The following LARS2 variants were observed in gnomAD, a reference collection of about 807,000 sequenced individuals.
LARS2 encodes leucine--tRNA ligase, mitochondrial.
LARS2 carries 81 observed loss-of-function variants against 116.6 expected under a neutral mutation model. That is an observed-to-expected ratio of 0.69 (90% CI 0.58 to 0.84). LARS2 has a LOEUF of 0.84. LARS2 is among the 40% of genes least tolerant of loss of function. The pLI is 0.00. For missense variants in LARS2, 968 were observed against 1,114.5 expected (o/e 0.87, Z 1.87); for synonymous variants, 396 against 407.2 (o/e 0.97, Z 0.33).
At chr3:45,430,318 G>A (rs1282996664) in intron 6 of LARS2, among the ~76,000 whole-genome samples, 3 of 141,232 alleles carry the variant, frequency 2.1e-5, no homozygotes, top group South Asian at 2.3e-4. Flanking sequence ...TGGCTCTGTC[G>A]CCCAGGCTGG....
intron 6 of LARS2, among the ~76,000 whole-genome samples, chr3:45,430,073 G>A (rs1336638044): frequency 2.9e-5 from 4 of 137,992 alleles, no homozygotes; most frequent in South Asian, 2.4e-4. Flanking sequence ...GTGTAGTGGC[G>A]CGATCTCGGC....
chr3:45,414,753 A>T (rs1210588397), intron 4 of LARS2, among the ~76,000 whole-genome samples: 2 of 152,056 alleles, frequency 1.3e-5, no homozygotes, highest in Non-Finnish European at 2.9e-5. Flanking sequence ...AGGCAGCAAA[A>T]TAAAACTTAC....
rs1029348394 is a variant in LARS2 at position 45,509,754 on chromosome 3, A to T, written c.1761-3381A>T. ...CTGGCTCCCTGGAAAAGTGGAGGGA[A>T]AACACTTGGGAATGAGCAGGATTCT... On this transcript the variant is annotated intron_variant, in intron 15 of 21. Coordinates refer to ENST00000645846, the MANE Select transcript of LARS2 (RefSeq NM_015340.4). Among the ~76,000 whole-genome samples, 5 of 152,040 alleles carry T rather than the reference A, an allele frequency of 3.3e-5. 1 individual carries two copies. Among genetic ancestry groups the T allele is most frequent in the African/African-American group, 4.8e-5 (2 of 41,458 alleles).
chr3:45,547,791 T>C lies in LARS2; in HGVS notation c.*261T>C, dbSNP rs1411065412. 5.3e-6 allele frequency: 2 copies of C among 379,144 alleles called. No individual in the cohort carries two copies. Among genetic ancestry groups the C allele is most frequent in the Non-Finnish European group, 9.5e-6 (2 of 211,098 alleles). 23.5% of individuals were successfully genotyped at this position (379,144 alleles called of 1,614,324 possible). A position where few individuals can be genotyped will look rare whatever the true frequency, so the allele number is the denominator to read the frequency against. ...CCTGCCCCTCACCCCCCACCCACAC[T>C]GCAGGTAGAGGAGGCCATCTGATCC... On this transcript the variant is annotated 3_prime_UTR_variant, in exon 22 of 22. Transcript: ENST00000645846.
At chr3:45,470,907 GT>G (rs1203350483) in intron 8 of LARS2, among the ~76,000 whole-genome samples, 2 of 151,828 alleles carry the variant, frequency 1.3e-5, no homozygotes, top group Non-Finnish European at 2.9e-5. Flanking sequence ...ATTTTCCCAG[GT>G]TTTTGGATTC....
intron 21 of LARS2, among the ~76,000 whole-genome samples, chr3:45,542,753 G>C (rs552359265): frequency 1.3e-5 from 2 of 152,312 alleles, no homozygotes; most frequent in East Asian, 3.9e-4. Context: ...ACCTTGCCCA[G>C]GTTTATTCAC....
chr3:45,533,134 A>G (rs1575318098), intron 20 of LARS2, among the ~76,000 whole-genome samples: 2 of 139,798 alleles, frequency 1.4e-5, no homozygotes, highest in Admixed American at 1.5e-4. Context: ...TGGTGGTCAC[A>G]TTAAGTCTTT....
At chr3:45,468,294 G>A (rs970456389) in intron 8 of LARS2, among the ~76,000 whole-genome samples, 1 of 152,114 alleles carries the variant, frequency 6.6e-6, no homozygotes, top group African/African-American at 2.4e-5. Flanking sequence ...CCCCTGGGAT[G>A]GCTGTTACCA....
intron 8 of LARS2, among the ~76,000 whole-genome samples, chr3:45,466,772 A>C (rs1339947815): frequency 6.6e-6 from 1 of 152,140 alleles, no homozygotes; most frequent in Non-Finnish European, 1.5e-5. Flanking sequence ...GCTGGAGTGC[A>C]GTGGTACAAT....
Position 45,390,488 on chromosome 3 carries a change from A to G in LARS2, c.-87-1095A>G, listed in dbSNP as rs540667863. On this transcript the variant is annotated intron_variant, in intron 1 of 21. Transcript: ENST00000645846. ...CCACCACGCCTGGCTAATTTTTTGT[A>G]TATTTAGTAGAGACAGGGTTTCACC... Among the ~76,000 whole-genome samples the G allele has an allele frequency of 8.7e-5, 13 of 149,346 alleles. No individual in the cohort carries two copies. In the South Asian group the frequency reaches 1.5e-3, roughly 17 times the overall value.
chr3:45,405,515 T>C (rs1052382177), intron 4 of LARS2, among the ~76,000 whole-genome samples: 25 of 152,218 alleles, frequency 1.6e-4, no homozygotes, highest in African/African-American at 5.3e-4. Flanking sequence ...TCTCAAACTT[T>C]AGAACTCACA....
chr3:45,523,918 T>A, intron 19 of LARS2, 79 bp from the exon 20 acceptor site: 4 of 1,050,446 alleles, frequency 3.8e-6, no homozygotes, highest in Non-Finnish European at 5.9e-6. Flanking sequence ...GTCTCTGGAC[T>A]TCAGATACAT....
At chr3:45,523,922 G>C in intron 19 of LARS2, 75 bp from the exon 20 acceptor site, 1 of 1,085,892 alleles carries the variant, frequency 9.2e-7, no homozygotes, top group Non-Finnish European at 1.4e-6. Context: ...CTGGACTTCA[G>C]ATACATTAAT....
chr3:45,392,282 TAGAG>T (rs1415617526), intron 2 of LARS2, among the ~76,000 whole-genome samples: 86 of 152,024 alleles, frequency 5.7e-4, no homozygotes, highest in African/African-American at 2.0e-3. Context: ...GCCCAACTAA[TAGAG>T]AGATTTCTTT....
chr3:45,391,377 C>T (rs960086900), intron 1 of LARS2, among the ~76,000 whole-genome samples: 3 of 151,320 alleles, frequency 2.0e-5, no homozygotes, highest in African/African-American at 7.3e-5. Flanking sequence ...CCCAGCTACT[C>T]GAGAGGCTGA....
intron 4 of LARS2, among the ~76,000 whole-genome samples, chr3:45,413,108 G>A (rs777704069): frequency 6.6e-6 from 1 of 152,232 alleles, no homozygotes; most frequent in Non-Finnish European, 1.5e-5. Context: ...GGTCCGTTCG[G>A]TTTGGGTAAG....
In LARS2 at chr3:45,548,293, T is replaced by A. The variant is rs1700904397; in HGVS notation, c.*763T>A. 6.6e-6 allele frequency: 1 copy of A among 152,182 alleles called. No homozygotes were observed. The highest frequency in any genetic ancestry group is 6.5e-5 in the Admixed American group (1 of 15,278). The allele number at this position is 152,182 out of a possible 1,614,324, so 9.4% of individuals were successfully genotyped here. A position where few individuals can be genotyped will look rare whatever the true frequency, so the allele number is the denominator to read the frequency against. On this transcript the variant is annotated 3_prime_UTR_variant, in exon 22 of 22. Coordinates refer to ENST00000645846, the MANE Select transcript of LARS2 (RefSeq NM_015340.4). Reference sequence around the variant, plus strand: ...CCTCACATGAATGAGGAGCAGCAAGTCATAACCACTCCCTTGGGTATACAA... The same window carrying A: ...CCTCACATGAATGAGGAGCAGCAAGACATAACCACTCCCTTGGGTATACAA...
intron 17 of LARS2, among the ~76,000 whole-genome samples, chr3:45,516,980 G>A (rs1700377534): frequency 6.6e-6 from 1 of 152,232 alleles, no homozygotes. Context: ...TGTGGGAAGA[G>A]GAAGTCAGAT....
At chr3:45,496,694 G>T (rs1252589549) in intron 14 of LARS2, among the ~76,000 whole-genome samples, 1 of 152,236 alleles carries the variant, frequency 6.6e-6, no homozygotes, top group Non-Finnish European at 1.5e-5. Context: ...GGCTAAAATG[G>T]CTCTGCTCCA....
Sources: allele counts gnomAD v4.1 joint callset (sites outside exome capture counted in the v4.1 genomes callset), GRCh38; gene constraint gnomAD v4.1.1; transcripts MANE v1.5; gene names NCBI Gene and HGNC (gene_info 2026-07-23, HGNC 2026-07-21).